PDSS1: variants seen among roughly 807,000 people sequenced by gnomAD.
The protein encoded by PDSS1 is decaprenyl diphosphate synthase subunit 1, also known as all trans-polyprenyl-diphosphate synthase PDSS1.
PDSS1 carries 43 observed loss-of-function variants against 57.5 expected under a neutral mutation model. That is an observed-to-expected ratio of 0.75 (90% CI 0.59 to 0.96). The LOEUF (loss-of-function observed/expected upper bound fraction) is 0.96. Among genes scored for constraint, PDSS1 ranks in the 50% least tolerant of loss-of-function variants. The probability of loss-of-function intolerance (pLI) is 0.00; values close to 1 mark genes in which losing one functional copy is unlikely to be tolerated. For synonymous variants in PDSS1, 175 were observed against 191.3 expected, an observed-to-expected ratio of 0.91 and a Z score of 0.70; for missense variants, 438 against 527.8, an observed-to-expected ratio of 0.83 and a Z score of 1.67.
At chr10:26,744,763 G>A (rs1431152817) in intron 11 of PDSS1, among the ~76,000 whole-genome samples, 1 of 152,336 alleles carries the variant, frequency 6.6e-6, no homozygotes, top group Non-Finnish European at 1.5e-5. Flanking sequence ...GAGAAGGCAG[G>A]CTTCTGTACA....
At chr10:26,707,787 C>G (rs1835287946) in intron 4 of PDSS1, among the ~76,000 whole-genome samples, 1 of 152,370 alleles carries the variant, frequency 6.6e-6, no homozygotes, top group South Asian at 2.1e-4. Context: ...TCACCGGGAA[C>G]GCCATGGGGC....
intron 7 of PDSS1, 40 bp from the exon 8 acceptor site, chr10:26,723,974 A>G: frequency 6.3e-7 from 1 of 1,587,482 alleles, no homozygotes; most frequent in Non-Finnish European, 8.7e-7. Context: ...TAGCCAGGCA[A>G]TAAAGCCACC....
chr10:26,718,013 A>G (rs1013035744), intron 5 of PDSS1: 1 of 150,990 alleles, frequency 6.6e-6, no homozygotes, highest in Non-Finnish European at 1.5e-5. Context: ...CTGAACCTCT[A>G]TTTTCTCATT....
At chr10:26,730,980 G>A (rs1010032090) in intron 8 of PDSS1, among the ~76,000 whole-genome samples, 3 of 151,528 alleles carry the variant, frequency 2.0e-5, no homozygotes, top group Admixed American at 6.6e-5. Flanking sequence ...AGGCTGAGGC[G>A]GCCGAATCAC....
At chr10:26,699,363 C>T (rs1834972622) in intron 1 of PDSS1, among the ~76,000 whole-genome samples, 1 of 151,776 alleles carries the variant, frequency 6.6e-6, no homozygotes, top group Non-Finnish European at 1.5e-5. Flanking sequence ...GTGCATCCAC[C>T]CTCTTATGCC....
chr10:26,709,559 C>G, intron 4 of PDSS1, 79 bp from the exon 5 acceptor site: 1 of 1,437,876 alleles, frequency 7.0e-7, no homozygotes, highest in Non-Finnish European at 9.7e-7. Context: ...GAAACTCCGT[C>G]TCAAAAAAAA....
At chr10:26,737,437 GA>G (rs1362751867) in intron 10 of PDSS1, among the ~76,000 whole-genome samples, 1 of 152,104 alleles carries the variant, frequency 6.6e-6, no homozygotes, top group East Asian at 1.9e-4. Context: ...TAATCTACAA[GA>G]GACTGAAAAA....
intron 8 of PDSS1, among the ~76,000 whole-genome samples, chr10:26,731,347 A>G (rs1836189378): frequency 6.6e-6 from 1 of 152,238 alleles, no homozygotes; most frequent in Non-Finnish European, 1.5e-5. Flanking sequence ...TCTCAAAAAA[A>G]TTAATAAATA....
At position 26,697,752 on chromosome 10, in the gene PDSS1, G is replaced by C. The variant is rs1337919886; in HGVS notation, c.41G>C (p.Trp14Ser). The C allele has an allele frequency of 2.3e-6, 3 of 1,293,334 alleles. No individual in the cohort carries two copies. Among genetic ancestry groups the C allele is most frequent in the Non-Finnish European group, 1.9e-6 (2 of 1,025,936 alleles). The allele number at this position is 1,293,334 out of a possible 1,614,324, so 80.1% of individuals were successfully genotyped here. Residue 14 changes from tryptophan (W) to serine (S), a missense_variant, in exon 1 of 12, where the codon TGG becomes TCG. By Grantham distance (177) the Trp-to-Ser change is radical. Coordinates refer to ENST00000376215, the MANE Select transcript of PDSS1 (RefSeq NM_014317.5). ...RWWRWRRGCS[W>S]KPAARSPGPG... Reference sequence around the variant, plus strand: ...TGGCGGTGGCGGCGCGGCTGCTCCTGGAAGCCGGCGGCGCGGAGCCCCGGG... The same window carrying C: ...TGGCGGTGGCGGCGCGGCTGCTCCTCGAAGCCGGCGGCGCGGAGCCCCGGG...
chr10:26,724,157 C>T (rs555714247), intron 8 of PDSS1, 34 bp downstream of exon 8: 3 of 1,400,340 alleles, frequency 2.1e-6, no homozygotes, highest in African/African-American at 2.8e-5. Context: ...AAGTTAAAGC[C>T]TCATAGCTCT....
chr10:26,734,998 G>A (rs1407842374), intron 8 of PDSS1, among the ~76,000 whole-genome samples: 2 of 152,214 alleles, frequency 1.3e-5, no homozygotes, highest in Non-Finnish European at 2.9e-5. Context: ...TGCTTATCCT[G>A]TCTGAAAGCA....
chr10:26,704,083 C>CAAAAAAAAAAAAAAAAAAAA (rs1203931422), intron 2 of PDSS1, among the ~76,000 whole-genome samples: 1,015 of 30,830 alleles, frequency 0.033, 217 homozygotes, highest in East Asian at 0.096. Context: ...CTCCGTCTCA[C>CAAAAAAAAAAAAAAAAAAAA]AAAAAAAAAA....
At chr10:26,723,712 T>C in intron 6 of PDSS1, 94 bp from the exon 7 acceptor site, 1 of 858,430 alleles carries the variant, frequency 1.2e-6, no homozygotes, top group Non-Finnish European at 2.0e-6. Context: ...GAGCCCCCAC[T>C]TCCACGAAGC....
Position 26,746,390 on chromosome 10 carries a change from A to G in PDSS1, c.1165A>G (p.Arg389Gly). Residue 389 changes from arginine (R) to glycine (G), a missense_variant, in exon 12 of 12, where the codon AGA (arginine) becomes GGA (glycine). Physicochemically the swap from Arg to Gly is moderately radical, Grantham distance 125. Transcript: ENST00000376215. ...CCAGCAGTACTGCCATGAAGCAATA[A>G]GAGAGATCAGTAAACTTCGACCATC... ...LAQQYCHEAI[R>G]EISKLRPSPE... The G allele has an allele frequency of 6.2e-7, 1 of 1,614,096 alleles. No homozygotes were observed. The highest frequency in any genetic ancestry group is 8.5e-7 in the Non-Finnish European group (1 of 1,179,916).
intron 8 of PDSS1, among the ~76,000 whole-genome samples, chr10:26,726,199 C>T (rs1329127113): frequency 6.6e-6 from 1 of 152,176 alleles, no homozygotes; most frequent in East Asian, 1.9e-4. Flanking sequence ...AAGATATGCA[C>T]CTCATTCTTC....
In PDSS1 at chr10:26,697,710, C is replaced by A; in HGVS notation, c.-2C>A. 7.7e-7 allele frequency: 1 copy of A among 1,297,260 alleles called. No individual in the cohort carries two copies. The highest frequency in any genetic ancestry group is 2.3e-5 in the South Asian group (1 of 42,960). The allele number at this position is 1,297,260 out of a possible 1,614,324, so 80.4% of individuals were successfully genotyped here. A position where few individuals can be genotyped will look rare whatever the true frequency, so the allele number is the denominator to read the frequency against. On this transcript the variant is annotated 5_prime_UTR_variant, in exon 1 of 12. Transcript: ENST00000376215. ...CCCTGCCGCGACTTTCAGACTCCGA[C>A]CATGGCCTCGCGCTGGTGGCGGTGG...
In PDSS1 at chr10:26,712,975, T is replaced by G. The variant is rs545313968; in HGVS notation, c.467+3207T>G. On this transcript the variant is annotated intron_variant, in intron 5 of 11. Transcript: ENST00000376215. ...TGTTTTTTTGTTTTTTTGTTTTTTTTTTTGCTTCTGAGGTATGTATTAAAT... is the reference window on the plus strand; with the variant it reads ...TGTTTTTTTGTTTTTTTGTTTTTTTGTTTGCTTCTGAGGTATGTATTAAAT... Among the ~76,000 whole-genome samples, 8 of 96,908 alleles carry G rather than the reference T, an allele frequency of 8.3e-5. 1 individual carries two copies. The highest frequency in any genetic ancestry group is 6.0e-3 in the Middle Eastern group (1 of 166). 63.6% of individuals were successfully genotyped at this position (96,908 alleles called of 152,430 possible).
At chr10:26,707,798 G>A (rs1406906171) in intron 4 of PDSS1, among the ~76,000 whole-genome samples, 4 of 152,238 alleles carry the variant, frequency 2.6e-5, no homozygotes, top group African/African-American at 4.8e-5. Flanking sequence ...GCCATGGGGC[G>A]GCCATGACGG....
At chr10:26,745,372 A>G (rs150659853) in intron 11 of PDSS1, among the ~76,000 whole-genome samples, 232 of 152,294 alleles carry the variant, frequency 1.5e-3, no homozygotes, top group African/African-American at 5.1e-3. Flanking sequence ...AACAAACAGT[A>G]TAGTTAAAGG....
Sources: allele counts gnomAD v4.1 joint callset (sites outside exome capture counted in the v4.1 genomes callset), GRCh38; gene constraint gnomAD v4.1.1; transcripts MANE v1.5; gene names NCBI Gene and HGNC (gene_info 2026-07-23, HGNC 2026-07-21).